Variants in JADE2 observed in about 807,000 individuals in gnomAD.
JADE2 encodes the protein jade family PHD finger 2.
In JADE2, 13 loss-of-function variants were observed where a neutral mutation model predicts 85.7. The ratio of observed to expected loss-of-function variants is 0.15; its 90% CI spans 0.10 to 0.24. JADE2 has a LOEUF of 0.24. Ranked by LOEUF, JADE2 falls within the 10% of genes least tolerant of loss-of-function variation. The pLI is 1.00. For missense variants in JADE2, 846 were observed against 1,115.9 expected, an observed-to-expected ratio of 0.76 and a Z score of 3.45; for synonymous variants, 440 against 456.1, an observed-to-expected ratio of 0.96 and a Z score of 0.45.
chr5:134,566,628 G>A lies in JADE2; in HGVS notation c.1434+48G>A. On this transcript the variant is annotated intron_variant, in intron 9 of 11. Coordinates refer to ENST00000681547, the MANE Select transcript of JADE2 (RefSeq NM_001388185.1). The surrounding 1 kb of genome is among the most constrained non-coding windows in gnomAD (Gnocchi z 6.7). ...CACCCCCTGCCTGGTGGGTCCAGGA[G>A]TCCTTTCCATGCCACACTCACTGCC... 3 of 1,377,014 alleles carry A rather than the reference G, an allele frequency of 2.2e-6. No homozygotes were observed. Among genetic ancestry groups the A allele is most frequent in the Non-Finnish European group, 3.0e-6 (3 of 1,014,792 alleles). The allele number at this position is 1,377,014 out of a possible 1,614,324, so 85.3% of individuals were successfully genotyped here. A position where few individuals can be genotyped will look rare whatever the true frequency, so the allele number is the denominator to read the frequency against.
intron 7 of JADE2, among the ~76,000 whole-genome samples, chr5:134,563,490 G>A (rs546812956): frequency 1.3e-4 from 20 of 152,298 alleles, no homozygotes; most frequent in Admixed American, 4.6e-4. Flanking sequence ...CTGGGTGCCT[G>A]GCAGGCCAGC....
chr5:134,558,921 T>C (rs78000439), intron 4 of JADE2, among the ~76,000 whole-genome samples: 19,973 of 152,244 alleles, frequency 0.13, 1,641 homozygotes, highest in East Asian at 0.24. Flanking sequence ...AGTCACACAA[T>C]AAGTGGTGAA....
intron 3 of JADE2, among the ~76,000 whole-genome samples, chr5:134,550,308 C>T (rs1321918713): frequency 6.6e-6 from 1 of 152,166 alleles, no homozygotes; most frequent in Non-Finnish European, 1.5e-5. Flanking sequence ...TAATTAGATT[C>T]TGCAAGATGC....
At chr5:134,565,951 TGCCGTAACTC>T (rs1314303396) in intron 8 of JADE2, among the ~76,000 whole-genome samples, 155 bp from the exon 9 acceptor site, 1 of 151,802 alleles carries the variant, frequency 6.6e-6, no homozygotes, top group Non-Finnish European at 1.5e-5. Context: ...CCTCCTCCCC[TGCCGTAACTC>T]CCATCCTGCA....
chr5:134,564,627 ACCT>A lies in JADE2; in HGVS notation c.969+21_969+23del. The A allele has an allele frequency of 4.7e-6, 7 of 1,483,536 alleles. No homozygotes were observed. The highest frequency in any genetic ancestry group is 6.4e-6 in the Non-Finnish European group (7 of 1,097,966). The allele number at this position is 1,483,536 out of a possible 1,614,324, so 91.9% of individuals were successfully genotyped here. On this transcript the variant is annotated intron_variant, in intron 8 of 11. Transcript: ENST00000681547. ...TGCATCCAGGTATGTGGCCTACTTCACCTCCTGCTGCCAGGAGCTGGCTGAGAG... is the reference window on the plus strand; with the variant it reads ...TGCATCCAGGTATGTGGCCTACTTCACCTGCTGCCAGGAGCTGGCTGAGAG...
chr5:134,544,084 A>G (rs540782569), intron 3 of JADE2, among the ~76,000 whole-genome samples: 1 of 152,364 alleles, frequency 6.6e-6, no homozygotes, highest in East Asian at 1.9e-4. Context: ...GCGGAAGGGC[A>G]GGCCAAGCGG....
Position 134,525,729 on chromosome 5 carries a change from A to G in JADE2, c.-283A>G, listed in dbSNP as rs1404948795. 1 of 1,226,748 alleles carries G rather than the reference A, an allele frequency of 8.2e-7. No individual in the cohort carries two copies. Among genetic ancestry groups the G allele is most frequent in the Non-Finnish European group, 1.0e-6 (1 of 962,802 alleles). 76.0% of individuals were successfully genotyped at this position (1,226,748 alleles called of 1,614,324 possible). On this transcript the variant is annotated 5_prime_UTR_variant, in exon 1 of 12. Coordinates refer to ENST00000681547, the MANE Select transcript of JADE2 (RefSeq NM_001388185.1). ...ACCGCGGCCATCGCAGTTGGAGGCT[A>G]TTTTTTGGGGGGGGTGAGTAGCGTC...
chr5:134,529,489 C>A (rs907686682), intron 1 of JADE2, among the ~76,000 whole-genome samples: 59 of 152,192 alleles, frequency 3.9e-4, no homozygotes, highest in African/African-American at 1.4e-3. Flanking sequence ...TGGCTCTATA[C>A]CTCAGTTCCT....
At chr5:134,565,144 C>G (rs1763559932) in intron 8 of JADE2, among the ~76,000 whole-genome samples, 1 of 152,184 alleles carries the variant, frequency 6.6e-6, no homozygotes, top group East Asian at 1.9e-4. Flanking sequence ...TGAGAACTTG[C>G]ATTTCTAACA....
At chr5:134,568,679 G>A (rs1328834341) in intron 9 of JADE2, among the ~76,000 whole-genome samples, 4 of 152,226 alleles carry the variant, frequency 2.6e-5, no homozygotes, top group South Asian at 2.1e-4. Flanking sequence ...GCTTCAATGA[G>A]GGCAGGGGCA....
chr5:134,557,372 T>C (rs1763038478), intron 4 of JADE2, among the ~76,000 whole-genome samples: 1 of 116,228 alleles, frequency 8.6e-6, no homozygotes, highest in Admixed American at 9.5e-5. Context: ...ACATTGAAAA[T>C]AACTTTTTTT....
intron 2 of JADE2, among the ~76,000 whole-genome samples, chr5:134,536,431 C>A (rs998371390): frequency 3.9e-5 from 6 of 152,174 alleles, no homozygotes; most frequent in African/African-American, 1.4e-4. Flanking sequence ...GATACCCAAC[C>A]TTCATAGAAT....
chr5:134,538,311 C>T (rs1761732925), intron 3 of JADE2, among the ~76,000 whole-genome samples: 1 of 152,178 alleles, frequency 6.6e-6, no homozygotes, highest in Non-Finnish European at 1.5e-5. Flanking sequence ...GGATCTCAGA[C>T]AGGGTAATGA....
intron 1 of JADE2, among the ~76,000 whole-genome samples, chr5:134,531,282 A>G (rs1348414051): frequency 6.6e-6 from 1 of 152,190 alleles, no homozygotes; most frequent in African/African-American, 2.4e-5. Flanking sequence ...GTGGTGAGGA[A>G]GGGGATAGTG....
chr5:134,566,869 G>C lies in JADE2; in HGVS notation c.1434+289G>C, dbSNP rs961385576. Among the ~76,000 whole-genome samples the C allele has an allele frequency of 6.6e-6, 1 of 152,228 alleles. No homozygotes were observed. The highest frequency in any genetic ancestry group is 2.4e-5 in the African/African-American group (1 of 41,458). ...TGGTGAATGGTGGGGGCCCTGCCAAGGTCATGAGGCTGAGAGCACCAGAGC... is the reference window on the plus strand; with the variant it reads ...TGGTGAATGGTGGGGGCCCTGCCAACGTCATGAGGCTGAGAGCACCAGAGC... On this transcript the variant is annotated intron_variant, in intron 9 of 11. Transcript: ENST00000681547. The surrounding 1 kb of genome is among the most constrained non-coding windows in gnomAD (Gnocchi z 6.7).
At chr5:134,533,736 CTTTTTTTTTTT>C (rs70976536) in intron 1 of JADE2, 53,552 of 113,210 alleles carry the variant, frequency 0.47, 11,297 homozygotes, top group Admixed American at 0.56. Context: ...CACACTCTCT[CTTTTTTTTTTT>C]TTTTTTTTTT....
chr5:134,570,586 C>G (rs1293270621), intron 9 of JADE2, among the ~76,000 whole-genome samples: 1 of 152,180 alleles, frequency 6.6e-6, no homozygotes, highest in Non-Finnish European at 1.5e-5. Context: ...CATCCCAGAG[C>G]CTGCCACCTG....
chr5:134,571,346 C>T (rs1432345173), intron 9 of JADE2, among the ~76,000 whole-genome samples: 1 of 152,212 alleles, frequency 6.6e-6, no homozygotes, highest in Non-Finnish European at 1.5e-5. Context: ...TATTCAATCC[C>T]GTACAGAAGC....
At chr5:134,526,127 CCTCT>C (rs1445822742) in intron 1 of JADE2, 116 bp downstream of exon 1, 4 of 985,358 alleles carry the variant, frequency 4.1e-6, no homozygotes, top group Admixed American at 1.2e-4. Flanking sequence ...TCGCTCGCTC[CCTCT>C]CTCTCCTGCT....
Sources: gnomAD v4.1 joint callset for allele counts (sites outside exome capture counted in the v4.1 genomes callset) on GRCh38, gnomAD v4.1.1 for gene constraint, Gnocchi (gnomAD v3.1) non-coding constraint, MANE v1.5 for transcripts, NCBI Gene and HGNC (gene_info 2026-07-23, HGNC 2026-07-21) for gene names.